The following S100Z variants were observed in gnomAD, a reference collection of about 807,000 sequenced individuals.
S100Z encodes S100 calcium binding protein Z.
Under a neutral mutation model 8.5 loss-of-function variants are expected in S100Z, and 11 were observed. The ratio of observed to expected loss-of-function variants is 1.30; its 90% confidence interval spans 0.82 to 2.15. The LOEUF is 2.15. Ranked by LOEUF, S100Z falls within the 30% of genes most tolerant of loss-of-function variation. The pLI, the probability that S100Z is intolerant of heterozygous loss-of-function variation, is 0.00. For missense variants in S100Z, 126 were observed against 117.9 expected, an observed-to-expected ratio of 1.07 and a Z score of -0.32; for synonymous variants, 34 against 43.8, an observed-to-expected ratio of 0.78 and a Z score of 0.89.
At chr5:76,920,076 A>C (rs1031975894) in intron 4 of S100Z, among the ~76,000 whole-genome samples, 3 of 151,818 alleles carry the variant, frequency 2.0e-5, no homozygotes, top group African/African-American at 7.3e-5. Flanking sequence ...TGCCTGGCTA[A>C]TTTTTGTATT....
At chr5:76,923,530 C>T (rs1274993354), downstream of S100Z, among the ~76,000 whole-genome samples, 1 of 152,036 alleles carries the variant, frequency 6.6e-6, no homozygotes, top group Non-Finnish European at 1.5e-5. Context: ...TGGGGGAGGG[C>T]AGGCTAGAGG....
At chr5:76,922,519 G>GTTTGT (rs76959451), downstream of S100Z, among the ~76,000 whole-genome samples, 11 of 151,492 alleles carry the variant, frequency 7.3e-5, no homozygotes, top group East Asian at 1.2e-3. Context: ...TTTTTTTGTT[G>GTTTGT]TTGTTTGTTT....
At chr5:76,935,664 C>T in the S100Z span, among the ~76,000 whole-genome samples, 3 of 151,770 alleles carry the variant, frequency 2.0e-5, no homozygotes, top group African/African-American at 7.3e-5. Context: ...ACTGCCTTCT[C>T]CCTGGTCTGT....
intron 1 of S100Z, among the ~76,000 whole-genome samples, chr5:76,863,676 C>A (rs966521057): frequency 6.6e-6 from 1 of 151,882 alleles, no homozygotes; most frequent in African/African-American, 2.4e-5. Flanking sequence ...GTAGCTGGGA[C>A]TACAGGCACC....
rs188226868 is a variant in S100Z, at chr5:76,881,235, G to T, written c.*2+3401G>T. On this transcript the variant is annotated intron_variant, in intron 4 of 4. Transcript: ENST00000317593. ...TTGGGTGATTTGACTAATAAAGGCC[G>T]GTCTGTTATTGGACTGTATAGAAGT... 9.2e-5 allele frequency among the ~76,000 whole-genome samples: 14 copies of T among 152,192 alleles called. No homozygotes were observed. The East Asian group carries it at 2.5e-3, about 27-fold the overall frequency.
At chr5:76,911,248 C>G (rs1352492631) in intron 4 of S100Z, among the ~76,000 whole-genome samples, 1 of 152,180 alleles carries the variant, frequency 6.6e-6, no homozygotes, top group Non-Finnish European at 1.5e-5. Context: ...TAAGGAAATG[C>G]AACAGTCCCT....
intron 4 of S100Z, among the ~76,000 whole-genome samples, chr5:76,909,404 C>T (rs1299437996): frequency 3.3e-5 from 5 of 152,120 alleles, no homozygotes; most frequent in Non-Finnish European, 7.3e-5. Context: ...GTACAAATTA[C>T]AATACTATCC....
intron 4 of S100Z, among the ~76,000 whole-genome samples, chr5:76,901,231 T>A (rs1024572330): frequency 6.6e-6 from 1 of 152,216 alleles, no homozygotes; most frequent in African/African-American, 2.4e-5. Context: ...ACTCCCTGAA[T>A]ACTGCCTATG....
At chr5:76,886,042 G>A (rs376312489) in intron 4 of S100Z, among the ~76,000 whole-genome samples, 7 of 151,068 alleles carry the variant, frequency 4.6e-5, no homozygotes, top group African/African-American at 1.5e-4. Context: ...GGAGAGAAGG[G>A]GTGGGGAGTG....
chr5:76,866,825 C>A lies in S100Z; in HGVS notation c.-175-3341C>A, dbSNP rs139537961. Among the ~76,000 whole-genome samples, 557 of 152,300 alleles carry A rather than the reference C, an allele frequency of 3.7e-3. 2 individuals are homozygous for A. Among genetic ancestry groups the A allele is most frequent in the African/African-American group, 0.013 (527 of 41,572 alleles). ...ATGACGCATTTCTCAGAATATATTTCTGTCATTAAGTAACACAGGACTATT... is the reference window on the plus strand; with the variant it reads ...ATGACGCATTTCTCAGAATATATTTATGTCATTAAGTAACACAGGACTATT... On this transcript the variant is annotated intron_variant, in intron 1 of 4. Transcript: ENST00000317593.
chr5:76,905,283 A>G (rs893375206), intron 4 of S100Z, among the ~76,000 whole-genome samples: 21 of 152,262 alleles, frequency 1.4e-4, no homozygotes, highest in African/African-American at 4.8e-4. Context: ...CAATCTTACC[A>G]TCTCAGCCTC....
At chr5:76,854,313 G>T (rs1455744239) in intron 1 of S100Z, among the ~76,000 whole-genome samples, 2 of 152,200 alleles carry the variant, frequency 1.3e-5, no homozygotes, top group Non-Finnish European at 2.9e-5. Flanking sequence ...AAAGATGAGG[G>T]AAAGTTTGGA....
At chr5:76,924,143 T>G (rs1561255390), downstream of S100Z, among the ~76,000 whole-genome samples, 2 of 152,228 alleles carry the variant, frequency 1.3e-5, no homozygotes, top group African/African-American at 4.8e-5. Flanking sequence ...TCTCTGGTCC[T>G]GTTTGATTCC....
chr5:76,863,903 C>G (rs2150627608), intron 1 of S100Z, among the ~76,000 whole-genome samples: 1 of 152,302 alleles, frequency 6.6e-6, no homozygotes, highest in Non-Finnish European at 1.5e-5. Context: ...TGAAAGAAGC[C>G]TTATAAACTG....
chr5:76,899,532 G>T (rs1744160047), intron 4 of S100Z, among the ~76,000 whole-genome samples: 1 of 151,468 alleles, frequency 6.6e-6, no homozygotes, highest in Non-Finnish European at 1.5e-5. Context: ...TTTTTGGTTT[G>T]AGGTTACCAT....
At chr5:76,904,188 C>T (rs1744338867) in intron 4 of S100Z, among the ~76,000 whole-genome samples, 1 of 151,538 alleles carries the variant, frequency 6.6e-6, no homozygotes, top group Admixed American at 6.6e-5. Context: ...AATATTTGTC[C>T]CCCCTAACCC....
rs575831999 is a variant in S100Z, at chr5:76,901,057, T to C, written c.*3-19660T>C. On this transcript the variant is annotated intron_variant, in intron 4 of 4. Transcript: ENST00000317593. ...AGACAGAGACTCTAGTTCTCGTCCC[T>C]TACTTTCTCCCAAACATACAGAGTC... Among the ~76,000 whole-genome samples, 12 of 152,354 alleles carry C rather than the reference T, an allele frequency of 7.9e-5. No homozygotes were observed. In the South Asian group the frequency reaches 1.9e-3, roughly 24 times the overall value.
chr5:76,883,468 G>A (rs867500240), intron 4 of S100Z, among the ~76,000 whole-genome samples: 3 of 152,162 alleles, frequency 2.0e-5, no homozygotes, highest in East Asian at 1.9e-4. Context: ...AAGCCTGGCC[G>A]TCAATACCAA....
intron 4 of S100Z, among the ~76,000 whole-genome samples, chr5:76,879,420 G>A (rs2150645912): frequency 6.6e-6 from 1 of 152,318 alleles, no homozygotes; most frequent in South Asian, 2.1e-4. Flanking sequence ...GTAAGGTTTA[G>A]GGTTTTGATC....
Sources: gnomAD v4.1 joint callset for allele counts (sites outside exome capture counted in the v4.1 genomes callset) on GRCh38, gnomAD v4.1.1 for gene constraint, MANE v1.5 for transcripts, NCBI Gene and HGNC (gene_info 2026-07-23, HGNC 2026-07-21) for gene names.